The following TSPEAR variants were observed in gnomAD, a reference collection of about 807,000 sequenced individuals.
TSPEAR encodes the protein thrombospondin type laminin G domain and EAR repeats, also known as thrombospondin-type laminin G domain and EAR repeat-containing protein.
Under a neutral mutation model 71.6 loss-of-function variants are expected in TSPEAR, and 69 were observed. That is an observed-to-expected ratio of 0.96 (90% CI 0.79 to 1.18). The LOEUF (loss-of-function observed/expected upper bound fraction) is 1.18, where lower values mean the gene tolerates loss of function less well. TSPEAR is among the 50% of genes most tolerant of loss of function. The pLI, the probability that TSPEAR is intolerant of heterozygous loss-of-function variation, is 0.00. For missense variants in TSPEAR, 971 were observed against 894.9 expected (o/e 1.09, Z -1.09); for synonymous variants, 402 against 387.2 (o/e 1.04, Z -0.45).
intron 11 of TSPEAR, among the ~76,000 whole-genome samples, chr21:44,501,780 A>G (rs1322723496): frequency 1.3e-5 from 2 of 150,492 alleles, no homozygotes; most frequent in African/African-American, 5.0e-5. Flanking sequence ...AAAAATAAAT[A>G]AGAAGGAGAT....
intron 1 of TSPEAR, among the ~76,000 whole-genome samples, chr21:44,636,014 T>A (rs587598446): frequency 6.6e-6 from 1 of 152,358 alleles, no homozygotes; most frequent in African/African-American, 2.4e-5. Context: ...TTAAAATTTT[T>A]AGTCTTCTAT....
intron 1 of TSPEAR, among the ~76,000 whole-genome samples, chr21:44,609,002 A>G (rs1293336437): frequency 1.3e-5 from 2 of 152,338 alleles, no homozygotes; most frequent in East Asian, 3.9e-4. Flanking sequence ...GACAAATAAC[A>G]CGTTGTAGAA....
At chr21:44,539,695 A>G (rs1334203313) in intron 2 of TSPEAR, 2 of 1,593,158 alleles carry the variant, frequency 1.3e-6, no homozygotes, top group South Asian at 2.3e-5. Context: ...AGGTGGGCAC[A>G]TAGCACACAG....
chr21:44,505,790 G>A (rs933711447), intron 10 of TSPEAR, among the ~76,000 whole-genome samples: 9 of 151,902 alleles, frequency 5.9e-5, no homozygotes, highest in African/African-American at 1.5e-4. Flanking sequence ...GAATGGACAC[G>A]TTGTGTTTGT....
Position 44,637,865 on chromosome 21 carries a change from G to T in TSPEAR, c.83-69860C>A, listed in dbSNP as rs1268941755. On this transcript the variant is annotated intron_variant, in intron 1 of 11. Coordinates refer to ENST00000323084, the MANE Select transcript of TSPEAR (RefSeq NM_144991.3). ...ATGCCAGCAGGCCTGCTGTGTGCCT[G>T]TCTGCTCTAAGTCCGTCTGCTATGT... is the stretch of plus-strand genomic sequence containing the variant. 9 of 1,530,402 alleles carry T rather than the reference G, an allele frequency of 5.9e-6. No homozygotes were observed. In the African/African-American group the frequency reaches 1.1e-4, roughly 19 times the overall value. 94.8% of individuals were successfully genotyped at this position (1,530,402 alleles called of 1,614,324 possible).
Position 44,682,782 on chromosome 21 carries a change from C to T in TSPEAR, c.82+28651G>A, listed in dbSNP as rs535724464. Reference sequence around the variant, plus strand: ...CCTTCCAAAATGCAGTGTCACCAGCCGGAGTCAGAGCAGAATACAGTGACC... The same window carrying T: ...CCTTCCAAAATGCAGTGTCACCAGCTGGAGTCAGAGCAGAATACAGTGACC... On this transcript the variant is annotated intron_variant, in intron 1 of 11. Coordinates refer to ENST00000323084, the MANE Select transcript of TSPEAR (RefSeq NM_144991.3). 3.3e-5 allele frequency among the ~76,000 whole-genome samples: 5 copies of T among 152,322 alleles called. No individual in the cohort carries two copies. In the South Asian group the frequency reaches 6.2e-4, roughly 19 times the overall value.
chr21:44,621,331 T>C (rs1441819225), intron 1 of TSPEAR, among the ~76,000 whole-genome samples: 2 of 152,236 alleles, frequency 1.3e-5, no homozygotes, highest in Admixed American at 6.5e-5. Context: ...AATCTGTCCA[T>C]TTTTGTTTCA....
intron 9 of TSPEAR, chr21:44,515,391 T>A (rs1002235134): frequency 3.9e-5 from 6 of 152,394 alleles, no homozygotes; most frequent in African/African-American, 1.4e-4. Flanking sequence ...AGCAGCCAGG[T>A]CCCCGTTCCC....
In TSPEAR at chr21:44,498,820, G is replaced by A. The variant is rs1332957796; in HGVS notation, c.*963C>T. On this transcript the variant is annotated 3_prime_UTR_variant, in exon 12 of 12. Coordinates refer to ENST00000323084, the MANE Select transcript of TSPEAR (RefSeq NM_144991.3). ...GTCTGAGCCTCTTCTCATGGAGTGG[G>A]GGTGGTTTCTCTGGCACCTACATGG... is the stretch of plus-strand genomic sequence containing the variant. The A allele has an allele frequency of 6.6e-6, 1 of 152,416 alleles. No individual in the cohort carries two copies. The allele number at this position is 152,416 out of a possible 1,614,324, so 9.4% of individuals were successfully genotyped here. A position where few individuals can be genotyped will look rare whatever the true frequency, so the allele number is the denominator to read the frequency against.
At chr21:44,639,524 C>G (rs1601518132) in intron 1 of TSPEAR, among the ~76,000 whole-genome samples, 1 of 151,776 alleles carries the variant, frequency 6.6e-6, no homozygotes, top group Non-Finnish European at 1.5e-5. Context: ...CAAACTGACA[C>G]AGCCTTGTCC....
rs1980163075 is a variant in TSPEAR, at chr21:44,593,745, G to A, written c.83-25740C>T. ...GCGCCAGGCAAGGGACAAGCCGCGT[G>A]CCCTACACTGAGAGGACGGACTCTG... On this transcript the variant is annotated intron_variant, in intron 1 of 11. Coordinates refer to ENST00000323084, the MANE Select transcript of TSPEAR (RefSeq NM_144991.3). The surrounding 1 kb of genome is among the most constrained non-coding windows in gnomAD (Gnocchi z 5.9). Among the ~76,000 whole-genome samples the A allele has an allele frequency of 6.6e-6, 1 of 152,232 alleles. No individual in the cohort carries two copies. The highest frequency in any genetic ancestry group is 1.5e-5 in the Non-Finnish European group (1 of 68,046).
intron 1 of TSPEAR, among the ~76,000 whole-genome samples, chr21:44,682,340 A>C (rs1029047678): frequency 1.3e-5 from 2 of 152,042 alleles, no homozygotes; most frequent in African/African-American, 4.8e-5. Flanking sequence ...GACTAATTGC[A>C]CCCTCTTCAA....
chr21:44,585,937 GTCT>G (rs1381170327), intron 1 of TSPEAR, among the ~76,000 whole-genome samples: 4 of 152,248 alleles, frequency 2.6e-5, no homozygotes, highest in African/African-American at 9.6e-5. Flanking sequence ...GTAGACACAT[GTCT>G]TCTTCTCACA....
intron 1 of TSPEAR, among the ~76,000 whole-genome samples, chr21:44,603,334 CT>C: frequency 6.6e-6 from 1 of 152,340 alleles, no homozygotes; most frequent in East Asian, 1.9e-4. Context: ...GCATCCCAGG[CT>C]TTGCGTCACT....
rs587674243 is a variant in TSPEAR, at chr21:44,655,768, C to T, written c.82+55665G>A. On this transcript the variant is annotated intron_variant, in intron 1 of 11. Transcript: ENST00000323084. ...GGATTGGCCACAGCGCTTTATTCTA[C>T]GGTGGTGTCACACGGTGGGGGATGA... is the stretch of plus-strand genomic sequence containing the variant. Among the ~76,000 whole-genome samples, 550 of 152,234 alleles carry T rather than the reference C, an allele frequency of 3.6e-3. 4 individuals are homozygous for T. Among genetic ancestry groups the T allele is most frequent in the African/African-American group, 0.013 (533 of 41,524 alleles).
At chr21:44,586,412 G>T (rs1245938703) in intron 1 of TSPEAR, among the ~76,000 whole-genome samples, 1 of 152,066 alleles carries the variant, frequency 6.6e-6, no homozygotes, top group Non-Finnish European at 1.5e-5. Flanking sequence ...AGGGGAGGTG[G>T]AGGCATTGGG....
Position 44,527,501 on chromosome 21 carries a change from A to G in TSPEAR, c.940T>C (p.Tyr314His), listed in dbSNP as rs782404031. 6.2e-7 allele frequency: 1 copy of G among 1,614,216 alleles called. No homozygotes were observed. Among genetic ancestry groups the G allele is most frequent in the South Asian group, 1.1e-5 (1 of 91,082 alleles). Reference protein sequence around the residue: ...SVLAAKERLDYVEEHQNLSTN... With the variant: ...SVLAAKERLDHVEEHQNLSTN... Reference sequence around the variant, plus strand: ...GACAAGTTCTGATGCTCCTCCACGTAGTCCAGTCTTTCTTTGGCTTGTGAT... The same window carrying G: ...GACAAGTTCTGATGCTCCTCCACGTGGTCCAGTCTTTCTTTGGCTTGTGAT... Residue 314 changes from tyrosine (Y) to histidine (H), a missense_variant, in exon 7 of 12, where the codon TAC (tyrosine) becomes CAC (histidine). Coordinates refer to ENST00000323084, the MANE Select transcript of TSPEAR (RefSeq NM_144991.3).
At chr21:44,508,281 G>T in intron 10 of TSPEAR, 1 of 169,354 alleles carries the variant, frequency 5.9e-6, no homozygotes, top group Non-Finnish European at 1.2e-5. Context: ...AGTTCATCTT[G>T]GAGACTCTTC....
intron 2 of TSPEAR, among the ~76,000 whole-genome samples, chr21:44,567,346 G>T (rs1220227050): frequency 1.8e-5 from 1 of 56,076 alleles, no homozygotes; most frequent in East Asian, 2.6e-4. Context: ...CAGAAACCGT[G>T]GGGAAGGGGA....
Sources: gnomAD v4.1 joint callset for allele counts (sites outside exome capture counted in the v4.1 genomes callset) on GRCh38, gnomAD v4.1.1 for gene constraint, Gnocchi (gnomAD v3.1) non-coding constraint, MANE v1.5 for transcripts, NCBI Gene and HGNC (gene_info 2026-07-23, HGNC 2026-07-21) for gene names.